Variants in AIG1 observed in about 807,000 individuals in gnomAD.
The protein encoded by AIG1 is androgen induced 1, also known as androgen-induced gene 1 protein.
Under a neutral mutation model 31.4 loss-of-function variants are expected in AIG1, and 23 were observed. The observed-to-expected ratio is 0.73, with a 90% CI of 0.53 to 1.04. The LOEUF (loss-of-function observed/expected upper bound fraction) is 1.04, where lower values mean the gene tolerates loss of function less well. AIG1 is among the 50% of genes least tolerant of loss of function. AIG1 has a pLI of 0.00. For synonymous variants in AIG1, 100 were observed against 110.5 expected (o/e 0.90, Z 0.60); for missense variants, 274 against 295.0 (o/e 0.93, Z 0.52).
At position 143,297,613 on chromosome 6, in the gene AIG1, G is replaced by T. The variant is rs1168751027; in HGVS notation, c.515+13388G>T. Among the ~76,000 whole-genome samples, 1 of 152,066 alleles carries T rather than the reference G, an allele frequency of 6.6e-6. No individual in the cohort carries two copies. The highest frequency in any genetic ancestry group is 2.4e-5 in the African/African-American group (1 of 41,424). ...GCTTAGTTGGGTGATTGGTTGATTG[G>T]TAGAGTGGTTGGCCCATTTCCTGTA... On this transcript the variant is annotated intron_variant, in intron 4 of 5. Coordinates refer to ENST00000357847, the MANE Select transcript of AIG1 (RefSeq NM_016108.4). This position sits in a 1 kb window ranked among gnomAD's most constrained non-coding sequence, Gnocchi z 5.1.
At chr6:143,254,555 T>C (rs1411173652) in intron 3 of AIG1, among the ~76,000 whole-genome samples, 2 of 152,146 alleles carry the variant, frequency 1.3e-5, no homozygotes, top group Admixed American at 1.3e-4. Flanking sequence ...TTTGTTTTGT[T>C]TTTAGATATT....
At chr6:143,111,761 C>G (rs1411179396) in intron 1 of AIG1, among the ~76,000 whole-genome samples, 1 of 152,220 alleles carries the variant, frequency 6.6e-6, no homozygotes, top group African/African-American at 2.4e-5. Context: ...CCTGGGCCAG[C>G]AGCCTGGAAG....
chr6:143,327,388 C>T lies in AIG1; in HGVS notation c.516-5894C>T. ...TTCACAAGCGCGTCCATGGAGTGGG[C>T]TTCAAGAAGTCTGCCCCTTGGGCAC... On this transcript the variant is annotated intron_variant, in intron 4 of 5. Transcript: ENST00000357847. This position sits in a 1 kb window ranked among gnomAD's most constrained non-coding sequence, Gnocchi z 5.3. 1 of 315,270 alleles carries T rather than the reference C, an allele frequency of 3.2e-6. No individual in the cohort carries two copies. The allele number at this position is 315,270 out of a possible 1,614,324, so 19.5% of individuals were successfully genotyped here. A position where few individuals can be genotyped will look rare whatever the true frequency, so the allele number is the denominator to read the frequency against.
intron 3 of AIG1, among the ~76,000 whole-genome samples, chr6:143,198,403 T>C (rs1246853188): frequency 2.0e-5 from 3 of 152,232 alleles, no homozygotes; most frequent in Non-Finnish European, 4.4e-5. Context: ...CTAGTAATAA[T>C]TGGAAACATA....
chr6:143,080,706 C>T lies in AIG1; in HGVS notation c.141+19640C>T, dbSNP rs140906276. Among the ~76,000 whole-genome samples the T allele has an allele frequency of 9.5e-3, 1,451 of 151,978 alleles. 18 individuals are homozygous for T. The highest frequency in any genetic ancestry group is 0.032 in the African/African-American group (1,323 of 41,456). On this transcript the variant is annotated intron_variant, in intron 1 of 5. Transcript: ENST00000357847. ...TCACGGTTGTCGCCTGAAGAGCAGG[C>T]GCAGATCCTCTAGAGGTTCACAGGA...
rs558262668 is a variant in AIG1, at chr6:143,112,042, A to G, written c.142-24793A>G. Among the ~76,000 whole-genome samples, 23 of 152,264 alleles carry G rather than the reference A, an allele frequency of 1.5e-4. 1 individual carries two copies. In the South Asian group the frequency reaches 4.4e-3, roughly 29 times the overall value. ...GTACTACTTCTCTATTTAAAACTCT[A>G]CAGTGGTTCTATTTTTCCTTCAGCA... On this transcript the variant is annotated intron_variant, in intron 1 of 5. Coordinates refer to ENST00000357847, the MANE Select transcript of AIG1 (RefSeq NM_016108.4).
chr6:143,087,215 C>T (rs574266980), intron 1 of AIG1, among the ~76,000 whole-genome samples: 7 of 152,182 alleles, frequency 4.6e-5, no homozygotes, highest in East Asian at 3.8e-4. Context: ...ATGTTACCGG[C>T]GGGTCTTTGT....
rs1021329990 is a variant in AIG1 at position 143,328,418 on chromosome 6, C to A, written c.516-4864C>A. On this transcript the variant is annotated intron_variant, in intron 4 of 5. Transcript: ENST00000357847. The surrounding 1 kb of genome is among the most constrained non-coding windows in gnomAD (Gnocchi z 4.0). ...TTGGTTTGAAAGAAAGTTAAATACA[C>A]AAGAGAAAGAAAGACTAAAGGCAAG... Among the ~76,000 whole-genome samples the A allele has an allele frequency of 6.6e-5, 10 of 152,090 alleles. No homozygotes were observed. The highest frequency in any genetic ancestry group is 1.7e-4 in the African/African-American group (7 of 41,412).
At chr6:143,228,526 C>T (rs1463553984) in intron 3 of AIG1, among the ~76,000 whole-genome samples, 1 of 152,164 alleles carries the variant, frequency 6.6e-6, no homozygotes, top group African/African-American at 2.4e-5. Flanking sequence ...GGAGAGTCTA[C>T]AGGCAGGCAA....
chr6:143,071,086 T>C (rs1245045953), intron 1 of AIG1, among the ~76,000 whole-genome samples: 2 of 152,228 alleles, frequency 1.3e-5, no homozygotes, highest in East Asian at 3.8e-4. Context: ...TGGCCACAAC[T>C]ACCTTCTCCC....
chr6:143,235,905 T>C (rs530771861), intron 3 of AIG1, among the ~76,000 whole-genome samples: 1 of 152,284 alleles, frequency 6.6e-6, no homozygotes, highest in Admixed American at 6.5e-5. Context: ...AAGATGCTTC[T>C]TTCCTCTGGA....
chr6:143,144,333 A>G (rs760049484), intron 2 of AIG1, among the ~76,000 whole-genome samples: 1 of 152,228 alleles, frequency 6.6e-6, no homozygotes, highest in Non-Finnish European at 1.5e-5. Flanking sequence ...GAGTCAGGAT[A>G]GTGTTGGCTG....
chr6:143,262,300 C>G (rs1795836137), intron 3 of AIG1, among the ~76,000 whole-genome samples: 1 of 152,114 alleles, frequency 6.6e-6, no homozygotes, highest in African/African-American at 2.4e-5. Context: ...GACATCATTT[C>G]CAAGGTACTT....
intron 3 of AIG1, among the ~76,000 whole-genome samples, chr6:143,257,368 G>C (rs565958742): frequency 9.2e-5 from 14 of 152,132 alleles, no homozygotes; most frequent in Non-Finnish European, 1.5e-4. Context: ...AAAAAAAATT[G>C]TTATTCAGGG....
At chr6:143,081,771 C>T (rs974617300) in intron 1 of AIG1, among the ~76,000 whole-genome samples, 4 of 152,132 alleles carry the variant, frequency 2.6e-5, no homozygotes, top group African/African-American at 4.8e-5. Flanking sequence ...GCTGGCCATC[C>T]TGAGGAGAGG....
At chr6:143,230,672 C>A (rs1251263289) in intron 3 of AIG1, among the ~76,000 whole-genome samples, 1 of 151,366 alleles carries the variant, frequency 6.6e-6, no homozygotes, top group African/African-American at 2.4e-5. Context: ...ATATATGTAT[C>A]AAACCATGGA....
intron 1 of AIG1, among the ~76,000 whole-genome samples, chr6:143,097,312 A>C (rs1779887156): frequency 1.3e-5 from 2 of 151,364 alleles, no homozygotes; most frequent in East Asian, 1.9e-4. Flanking sequence ...CCAATCCTAT[A>C]CCCCCTCATT....
intron 1 of AIG1, among the ~76,000 whole-genome samples, chr6:143,064,782 C>A (rs1776547420): frequency 6.6e-6 from 1 of 152,134 alleles, no homozygotes; most frequent in Non-Finnish European, 1.5e-5. Context: ...TAACAGTGGG[C>A]AATATGAGGA....
chr6:143,114,699 A>G (rs1406794563), intron 1 of AIG1, among the ~76,000 whole-genome samples: 3 of 152,250 alleles, frequency 2.0e-5, no homozygotes, highest in Admixed American at 1.3e-4. Flanking sequence ...ACATAGTATC[A>G]TGGCATACTG....
Sources: gnomAD v4.1 joint callset for allele counts (sites outside exome capture counted in the v4.1 genomes callset) on GRCh38, gnomAD v4.1.1 for gene constraint, Gnocchi (gnomAD v3.1) non-coding constraint, MANE v1.5 for transcripts, NCBI Gene and HGNC (gene_info 2026-07-23, HGNC 2026-07-21) for gene names.